Variants in COL4A2 observed in about 807,000 individuals in gnomAD.
COL4A2 encodes the protein collagen type IV alpha 2 chain.
Under a neutral mutation model 200.2 loss-of-function variants are expected in COL4A2, and 99 were observed. The observed-to-expected ratio is 0.49, with a 90% CI of 0.42 to 0.58. COL4A2 has a LOEUF of 0.58. COL4A2 is among the 20% of genes least tolerant of loss of function. The pLI, the probability that COL4A2 is intolerant of heterozygous loss-of-function variation, is 0.00. For synonymous variants in COL4A2, 897 were observed against 900.6 expected, an observed-to-expected ratio of 1.00 and a Z score of 0.07; for missense variants, 1,950 against 2,314.1, an observed-to-expected ratio of 0.84 and a Z score of 3.23.
At chr13:110,469,096 T>G in intron 27 of COL4A2, 121 bp from the exon 28 acceptor site, 2 of 1,120,882 alleles carry the variant, frequency 1.8e-6, no homozygotes, top group Non-Finnish European at 2.5e-6. Context: ...AGGCTGATAT[T>G]CCCCCCAGCC....
At chr13:110,438,848 A>G (rs1312840264) in intron 15 of COL4A2, among the ~76,000 whole-genome samples, 180 bp downstream of exon 15, 1 of 143,670 alleles carries the variant, frequency 7.0e-6, no homozygotes, top group African/African-American at 2.8e-5. Flanking sequence ...ACGAACATCT[A>G]GCACTGGGGG....
chr13:110,335,387 T>G (rs1876131096), intron 3 of COL4A2, among the ~76,000 whole-genome samples: 1 of 152,126 alleles, frequency 6.6e-6, no homozygotes, highest in African/African-American at 2.4e-5. Flanking sequence ...CATACTATTC[T>G]TGCGGTAGAG....
At chr13:110,374,166 G>T (rs187344799) in intron 4 of COL4A2, among the ~76,000 whole-genome samples, 124 of 152,288 alleles carry the variant, frequency 8.1e-4, no homozygotes, top group African/African-American at 2.7e-3. Context: ...GACAGCTTAC[G>T]GTGGTCCCGG....
chr13:110,504,616 C>CT (rs1015608817), intron 45 of COL4A2, among the ~76,000 whole-genome samples: 1 of 151,684 alleles, frequency 6.6e-6, no homozygotes, highest in African/African-American at 2.4e-5. Flanking sequence ...ACTTTTTTTT[C>CT]TTTTTTGGAC....
intron 3 of COL4A2, among the ~76,000 whole-genome samples, chr13:110,319,890 C>A (rs1885234045): frequency 6.6e-6 from 1 of 152,186 alleles, no homozygotes; most frequent in Non-Finnish European, 1.5e-5. Context: ...CTCTTATTGT[C>A]CGGCCTCCTC....
chr13:110,476,717 G>A lies in COL4A2; in HGVS notation c.2426-1286G>A, dbSNP rs146492746. On this transcript the variant is annotated intron_variant, in intron 29 of 47. Transcript: ENST00000360467. The stretch of plus-strand genomic sequence containing the variant: ...TAATCGGAGAGCAGCTGCGACAAGC[G>A]TCAGGCTCACGAAGAGAGGGGGAAA... Among the ~76,000 whole-genome samples, 808 of 152,352 alleles carry A rather than the reference G, an allele frequency of 5.3e-3. 3 individuals carry two copies. Among genetic ancestry groups the A allele is most frequent in the Non-Finnish European group, 7.6e-3 (516 of 68,038 alleles).
In COL4A2 at chr13:110,511,827, GGTTTGCT is replaced by G. The variant is rs1353803017; in HGVS notation, c.4882-103_4882-97del. 1.8e-5 allele frequency: 27 copies of G among 1,542,210 alleles called. No homozygotes were observed. In the Admixed American group the frequency reaches 2.1e-4, roughly 12 times the overall value. ...GCCTCATGTCCGTATTGACACTCAT[GGTTTGCT>G]GTTCAGTAAAAACAAATGCACAGAA... On this transcript the variant is annotated intron_variant, in intron 47 of 47. Transcript: ENST00000360467.
chr13:110,470,537 G>A (rs1232454802), intron 28 of COL4A2, among the ~76,000 whole-genome samples: 6 of 152,108 alleles, frequency 3.9e-5, no homozygotes, highest in South Asian at 2.1e-4. Flanking sequence ...AACTGACCCC[G>A]GGAACACATA....
chr13:110,330,460 T>G (rs142657726), intron 3 of COL4A2, among the ~76,000 whole-genome samples: 3 of 152,290 alleles, frequency 2.0e-5, no homozygotes, highest in Non-Finnish European at 4.4e-5. Context: ...TCAGTCTGAT[T>G]GGGGCAAATC....
chr13:110,447,126 T>A (rs1029882657), intron 18 of COL4A2, among the ~76,000 whole-genome samples: 1 of 152,200 alleles, frequency 6.6e-6, no homozygotes, highest in Non-Finnish European at 1.5e-5. Context: ...ACGTGAGAAA[T>A]CCCCTCCGTT....
chr13:110,507,897 C>T lies in COL4A2; in HGVS notation c.4595-38C>T, dbSNP rs374670383. ...GGGGCTGGCAGGTGCGTCTTCTAGC[C>T]ACACTGCACTGTGATCTCATGACCC... On this transcript the variant is annotated intron_variant, in intron 46 of 47. Coordinates refer to ENST00000360467, the MANE Select transcript of COL4A2 (RefSeq NM_001846.4). 9.4e-6 allele frequency: 15 copies of T among 1,596,394 alleles called. No individual in the cohort carries two copies. The South Asian group carries it at 1.2e-4, about 13-fold the overall frequency.
At chr13:110,381,558 G>A (rs1473367970) in intron 4 of COL4A2, among the ~76,000 whole-genome samples, 2 of 152,102 alleles carry the variant, frequency 1.3e-5, no homozygotes, top group Admixed American at 6.5e-5. Flanking sequence ...TGACTGTCTC[G>A]CACAACTGGA....
chr13:110,346,595 C>T (rs1301114590), intron 3 of COL4A2, among the ~76,000 whole-genome samples: 1 of 148,738 alleles, frequency 6.7e-6, no homozygotes, highest in Non-Finnish European at 1.5e-5. Context: ...ATTTCAGTGC[C>T]CTGTTCTGTG....
Position 110,424,971 on chromosome 13 carries a change from G to A in COL4A2, c.334G>A (p.Gly112Arg). The A allele has an allele frequency of 1.2e-6, 2 of 1,614,196 alleles. No homozygotes were observed. Among genetic ancestry groups the A allele is most frequent in the Non-Finnish European group, 1.7e-6 (2 of 1,180,040 alleles). The change falls in exon 6 of 48, where the codon GGA becomes AGA. Residue 112 changes from glycine (G) to arginine (R), a missense_variant. By Grantham distance (125) the Gly-to-Arg change is moderately radical. Around this residue, in one of 2 missense-constraint regions of COL4A2, gnomAD observed 565 missense variants for 593.5 expected, o/e 0.95. Coordinates refer to ENST00000360467, the MANE Select transcript of COL4A2 (RefSeq NM_001846.4). ...KGDVGARGVSGFPGADGIPGH... is the reference protein window; with the variant it reads ...KGDVGARGVSRFPGADGIPGH... ...TTCATAGGGAGCAAGAGGCGTTTCT[G>A]GATTCCCTGGTGCCGATGGAATTCC...
chr13:110,493,065 TGA>T, intron 38 of COL4A2, 144 bp from the exon 39 acceptor site: 1 of 858,402 alleles, frequency 1.2e-6, no homozygotes, highest in Non-Finnish European at 1.8e-6. Flanking sequence ...GAAATAACGA[TGA>T]GTGACACCCC....
intron 22 of COL4A2, chr13:110,459,353 T>C (rs1881923933): frequency 1.2e-5 from 2 of 163,652 alleles, no homozygotes; most frequent in Non-Finnish European, 2.7e-5. Flanking sequence ...GCTAAATCTA[T>C]ACAGCATCTA....
chr13:110,385,578 T>C (rs1427949651), intron 4 of COL4A2, among the ~76,000 whole-genome samples: 201 of 96,812 alleles, frequency 2.1e-3, no homozygotes, highest in East Asian at 3.1e-3. Context: ...GGCTGCAGTG[T>C]GTGGATAGGC....
In COL4A2 at chr13:110,465,500, C is replaced by T. The variant is rs2139503522; in HGVS notation, c.1872C>T (p.Gly624=). Residue 624 remains glycine (G), a synonymous_variant, in exon 25 of 48, where the codon GGC becomes GGT. Transcript: ENST00000360467. ...GAGAAATGGGCCCCCCAGGACTGGG[C>T]CTTCCCGGCCTCAAAGGCCAACGTG... ...TPGEMGPPGL[G]LPGLKGQRGF... 6.2e-7 allele frequency: 1 copy of T among 1,614,030 alleles called. No homozygotes were observed. The highest frequency in any genetic ancestry group is 8.5e-7 in the Non-Finnish European group (1 of 1,180,026).
chr13:110,456,672 G>T, intron 20 of COL4A2: 1 of 438,138 alleles, frequency 2.3e-6, no homozygotes, highest in Non-Finnish European at 4.7e-6. Context: ...ATTTGGGGAG[G>T]CTTGGCTGAA....
Sources: gnomAD v4.1 joint callset for allele counts (sites outside exome capture counted in the v4.1 genomes callset) on GRCh38, gnomAD v4.1.1 for gene constraint, gnomAD v4.1.1 regional missense constraint, MANE v1.5 for transcripts, NCBI Gene and HGNC (gene_info 2026-07-23, HGNC 2026-07-21) for gene names.